The following ABCG5 variants were observed in gnomAD, a reference collection of about 807,000 sequenced individuals.
ABCG5 encodes the protein ATP binding cassette subfamily G member 5, also known as ATP-binding cassette sub-family G member 5.
In ABCG5, 64 loss-of-function variants were observed where a neutral mutation model predicts 64.5. That is an observed-to-expected ratio of 0.99 (90% CI 0.81 to 1.22). The LOEUF (loss-of-function observed/expected upper bound fraction) is 1.22, where lower values mean the gene tolerates loss of function less well. Among genes scored for constraint, ABCG5 ranks in the 50% most tolerant of loss-of-function variants. ABCG5 has a pLI of 0.00. For synonymous variants in ABCG5, 385 were observed against 326.3 expected (o/e 1.18, Z -1.94); for missense variants, 908 against 829.5 (o/e 1.09, Z -1.16).
rs984110379 is a variant in ABCG5 at position 43,826,536 on chromosome 2, G to A, written c.635-15C>T. On this transcript the variant is annotated splice_polypyrimidine_tract_variant and intron_variant, in intron 5 of 12. Coordinates refer to ENST00000405322, the MANE Select transcript of ABCG5 (RefSeq NM_022436.3). ...CAGCATGACCTCTGCCAGCAAAGAA[G>A]GGCCAGACTTCTAAGGTAGTGCAGA... is the stretch of plus-strand genomic sequence containing the variant. 4.3e-6 allele frequency: 7 copies of A among 1,614,034 alleles called. No homozygotes were observed. The Admixed American group carries it at 5.0e-5, about 12-fold the overall frequency.
intron 2 of ABCG5, 29 bp downstream of exon 2, chr2:43,837,805 C>T (rs1558779322): frequency 6.2e-7 from 1 of 1,613,242 alleles, no homozygotes; most frequent in Admixed American, 1.7e-5. Context: ...AAGCCAAATC[C>T]TTTTTAGAAT....
chr2:43,809,282 G>A (rs761127129), downstream of ABCG5, among the ~76,000 whole-genome samples: 2 of 152,026 alleles, frequency 1.3e-5, no homozygotes, highest in Non-Finnish European at 2.9e-5. Flanking sequence ...ATGAGCCACC[G>A]CACCCAGCCT....
intron 5 of ABCG5, among the ~76,000 whole-genome samples, chr2:43,827,548 C>G (rs902461065): frequency 6.6e-6 from 1 of 152,128 alleles, no homozygotes; most frequent in Admixed American, 6.6e-5. Flanking sequence ...TGTTTTGATA[C>G]TCCCTTCCCC....
chr2:43,837,993 G>A, intron 1 of ABCG5, 38 bp from the exon 2 acceptor site: 1 of 1,612,802 alleles, frequency 6.2e-7, no homozygotes, highest in Non-Finnish European at 8.5e-7. Flanking sequence ...GGCAGCTTGG[G>A]GCCCTGGAAG....
chr2:43,829,449 C>T (rs1364045254), intron 4 of ABCG5, among the ~76,000 whole-genome samples: 1 of 152,216 alleles, frequency 6.6e-6, no homozygotes, highest in Non-Finnish European at 1.5e-5. Flanking sequence ...ATTCTCTTCG[C>T]TGTACTTAAA....
chr2:43,813,945 T>G (rs554417075), intron 12 of ABCG5, among the ~76,000 whole-genome samples: 164 of 152,038 alleles, frequency 1.1e-3, no homozygotes, highest in African/African-American at 3.6e-3. Context: ...TCTCGAACTC[T>G]TGACCTCAAG....
rs935189545 is a variant in ABCG5 at position 43,833,057 on chromosome 2, G to A, written c.266-974C>T. 3.9e-5 allele frequency among the ~76,000 whole-genome samples: 6 copies of A among 152,258 alleles called. No individual in the cohort carries two copies. The South Asian group carries it at 6.2e-4, about 16-fold the overall frequency. ...CCTCCTGACCTCAGGTGATCCTCCC[G>A]CCTCAGCCTCCCAAAGTGCTGGGAT... On this transcript the variant is annotated intron_variant, in intron 2 of 12. Transcript: ENST00000405322.
chr2:43,837,865 G>T lies in ABCG5; in HGVS notation c.234C>A (p.Ser78Arg), dbSNP rs748628439. 6.2e-7 allele frequency: 1 copy of T among 1,613,966 alleles called. No individual in the cohort carries two copies. Among genetic ancestry groups the T allele is most frequent in the East Asian group, 2.2e-5 (1 of 44,872 alleles). The change falls in exon 2 of 13, where the codon AGC becomes AGA. Residue 78 changes from serine (S) to arginine (R), a missense_variant. Coordinates refer to ENST00000405322, the MANE Select transcript of ABCG5 (RefSeq NM_022436.3). ...ILKDVSLYVE[S>R]GQIMCILGSS... ...TTCCTAGGATGCACATGATCTGCCC[G>T]CTCTCCACGTACAAGGAGACATCTT...
At chr2:43,830,461 C>T (rs1667892734) in intron 4 of ABCG5, among the ~76,000 whole-genome samples, 1 of 152,246 alleles carries the variant, frequency 6.6e-6, no homozygotes, top group Non-Finnish European at 1.5e-5. Context: ...TGAAGTGGTC[C>T]AGGAAGCCTG....
intron 5 of ABCG5, 63 bp from the exon 6 acceptor site, chr2:43,826,584 T>C: frequency 6.2e-7 from 1 of 1,610,532 alleles, no homozygotes; most frequent in South Asian, 1.1e-5. Flanking sequence ...TGCTTAAAAC[T>C]CAGAGTTCTG....
intron 10 of ABCG5, 184 bp downstream of exon 10, chr2:43,822,613 C>T: frequency 4.1e-6 from 4 of 985,172 alleles, no homozygotes; most frequent in Non-Finnish European, 4.8e-6. Context: ...TCCTGCAACC[C>T]ACAGTTGGGC....
intron 5 of ABCG5, among the ~76,000 whole-genome samples, chr2:43,827,594 C>G (rs1667697931): frequency 6.6e-6 from 1 of 152,140 alleles, no homozygotes; most frequent in Non-Finnish European, 1.5e-5. Context: ...CATTCAAATT[C>G]CTATTTTAAT....
At chr2:43,821,547 C>G (rs1335454611) in intron 10 of ABCG5, among the ~76,000 whole-genome samples, 2 of 152,174 alleles carry the variant, frequency 1.3e-5, no homozygotes, top group Non-Finnish European at 2.9e-5. Flanking sequence ...ATGCTGGACC[C>G]CTTCTGCCAT....
At position 43,832,024 on chromosome 2, in the gene ABCG5, A is replaced by G. The variant is rs201889290; in HGVS notation, c.325T>C (p.Phe109Leu). 2.0e-4 allele frequency: 309 copies of G among 1,572,430 alleles called. No homozygotes were observed. The African/African-American group carries it at 3.4e-3, about 17-fold the overall frequency. The change falls in exon 3 of 13, where the codon TTC (phenylalanine) becomes CTC (leucine). Residue 109 changes from phenylalanine (F) to leucine (L), a missense_variant. Phe to Leu is a conservative substitution (Grantham distance 22). Transcript: ENST00000405322. Reference protein sequence around the residue: ...MSGRLGRAGTFLGEVYVNGRA... With the variant: ...MSGRLGRAGTLLGEVYVNGRA... ...CCGTTCACATACACCTCCCCCAGGA[A>G]GGTCCCCGCGCGCCCCAGCCTCCCG...
Position 43,836,832 on chromosome 2 carries a change from G to C in ABCG5, c.265+1002C>G, listed in dbSNP as rs564138162. ...TGTTTAATTCCTTAAAAAAGAAAAA[G>C]AGTCTGGGAAACATAGCAAGAACGC... On this transcript the variant is annotated intron_variant, in intron 2 of 12. Transcript: ENST00000405322. 3.9e-5 allele frequency among the ~76,000 whole-genome samples: 6 copies of C among 152,188 alleles called. No individual in the cohort carries two copies. In the East Asian group the frequency reaches 1.2e-3, roughly 30 times the overall value.
At chr2:43,835,944 CTT>C (rs35465637) in intron 2 of ABCG5, among the ~76,000 whole-genome samples, 9 of 146,134 alleles carry the variant, frequency 6.2e-5, no homozygotes, top group African/African-American at 2.0e-4. Flanking sequence ...AATTCCTCTT[CTT>C]TTTTTTTTTT....
chr2:43,810,288 A>AC, downstream of ABCG5: 1 of 862,364 alleles, frequency 1.2e-6, no homozygotes, highest in Middle Eastern at 6.0e-4. Context: ...TGTCGCCATC[A>AC]GTGGTCTGGA....
In ABCG5 at chr2:43,837,740, A is replaced by T. The variant is rs1251551872; in HGVS notation, c.265+94T>A. ...TCAATAGAATTCATTCTAATATCAA[A>T]CCTGTGGCTTTCTTGTTACAACTTA... On this transcript the variant is annotated intron_variant, in intron 2 of 12. Coordinates refer to ENST00000405322, the MANE Select transcript of ABCG5 (RefSeq NM_022436.3). 3.9e-6 allele frequency: 6 copies of T among 1,542,560 alleles called. No homozygotes were observed. The East Asian group carries it at 1.1e-4, about 29-fold the overall frequency.
Position 43,822,919 on chromosome 2 carries a change from A to G in ABCG5, c.1341T>C (p.Ala447=), listed in dbSNP as rs1367574193. 6.2e-7 allele frequency: 1 copy of G among 1,613,924 alleles called. No homozygotes were observed. The change falls in exon 10 of 13, where the codon GCT becomes GCC. Residue 447 remains alanine (A), a synonymous_variant. Transcript: ENST00000405322. ...NAVNLFPVLR[A]VSDQESQDGL... is the part of the protein sequence containing the mutation. ...CGTCCTGACTCTCCTGGTCGCTGAC[A>G]GCTCGCAGCACGGGAACTGGGGATG...
Sources: gnomAD v4.1 joint callset for allele counts (sites outside exome capture counted in the v4.1 genomes callset) on GRCh38, gnomAD v4.1.1 for gene constraint, MANE v1.5 for transcripts, NCBI Gene and HGNC (gene_info 2026-07-23, HGNC 2026-07-21) for gene names.